The following SVEP1 variants were observed in gnomAD, a reference collection of about 807,000 sequenced individuals.
SVEP1 encodes sushi, von Willebrand factor type A, EGF and pentraxin domain containing 1.
Under a neutral mutation model 367.3 loss-of-function variants are expected in SVEP1, and 164 were observed. The observed-to-expected ratio is 0.45, with a 90% CI of 0.39 to 0.51. SVEP1 has a LOEUF of 0.51. Among genes scored for constraint, SVEP1 ranks in the 20% least tolerant of loss-of-function variants. The probability of loss-of-function intolerance (pLI) is 0.00; values close to 1 mark genes in which losing one functional copy is unlikely to be tolerated. For missense variants in SVEP1, 4,117 were observed against 4,425.3 expected, an observed-to-expected ratio of 0.93 and a Z score of 1.98; for synonymous variants, 1,666 against 1,611.6, an observed-to-expected ratio of 1.03 and a Z score of -0.81.
chr9:110,533,558 C>G (rs1397728798), intron 3 of SVEP1, among the ~76,000 whole-genome samples: 2 of 151,598 alleles, frequency 1.3e-5, no homozygotes, highest in Non-Finnish European at 2.9e-5. Context: ...TCAAACCAAT[C>G]TATTGTGGAT....
Position 110,411,566 on chromosome 9 carries a change from C to G in SVEP1, c.6145G>C (p.Asp2049His), listed in dbSNP as rs1564135592. Residue 2049 changes from aspartate to histidine, a missense_variant, in exon 37 of 48, where the codon GAT becomes CAT. Asp to His is a moderately conservative substitution (Grantham distance 81). Around this residue, in one of 4 missense-constraint regions of SVEP1, gnomAD observed 2,174 missense variants for 2,494.3 expected, o/e 0.87. Coordinates refer to ENST00000374469, the MANE Select transcript of SVEP1 (RefSeq NM_153366.4). ...FGDIAFYYCS[D>H]GYSLADNSQL... ...GAATTGTCTGCTAGGCTGTAACCAT[C>G]AGAGCAGTAGTAGAATGCAATGTCT... 6.2e-7 allele frequency: 1 copy of G among 1,613,990 alleles called. No homozygotes were observed. The highest frequency in any genetic ancestry group is 2.2e-5 in the East Asian group (1 of 44,880).
chr9:110,451,283 T>C lies in SVEP1; in HGVS notation c.3901+6A>G. ...AGACAACATAGGAAGACTGGAAACA[T>C]CTTACCTACAAATCCTTTCACACAT... On this transcript the variant is annotated splice_donor_region_variant and intron_variant, in intron 23 of 47. Transcript: ENST00000374469. 1 of 1,608,392 alleles carries C rather than the reference T, an allele frequency of 6.2e-7. No individual in the cohort carries two copies. The highest frequency in any genetic ancestry group is 8.5e-7 in the Non-Finnish European group (1 of 1,174,958).
intron 47 of SVEP1, among the ~76,000 whole-genome samples, chr9:110,368,405 C>A (rs980321052): frequency 2.0e-5 from 3 of 152,222 alleles, no homozygotes; most frequent in African/African-American, 7.2e-5. Context: ...TGAAGGTGAG[C>A]TACACCTCTC....
intron 40 of SVEP1, among the ~76,000 whole-genome samples, chr9:110,390,090 CACATACATACTTATATAAGTATATAT>C (rs201396723): frequency 0.033 from 3,237 of 98,726 alleles, 148 homozygotes; most frequent in African/African-American, 0.11. Context: ...TGTATATATA[CACATACATACTTATATAAGTATATAT>C]ACATACATAC....
At chr9:110,424,398 A>G (rs1828221915) in intron 36 of SVEP1, among the ~76,000 whole-genome samples, 1 of 152,240 alleles carries the variant, frequency 6.6e-6, no homozygotes, top group Non-Finnish European at 1.5e-5. Flanking sequence ...AAGGATGCTT[A>G]GAATATGAAG....
At chr9:110,414,903 A>G (rs1478262849) in intron 36 of SVEP1, among the ~76,000 whole-genome samples, 3 of 152,080 alleles carry the variant, frequency 2.0e-5, no homozygotes, top group Admixed American at 1.3e-4. Context: ...TTGCATTTAG[A>G]AGTTTATATC....
At chr9:110,578,765 A>G (rs888734093) in intron 1 of SVEP1, among the ~76,000 whole-genome samples, 3 of 152,178 alleles carry the variant, frequency 2.0e-5, no homozygotes, top group Non-Finnish European at 4.4e-5. Flanking sequence ...CCTTCCTAAC[A>G]GGGTCCTCGA....
chr9:110,498,338 C>T lies in SVEP1; in HGVS notation c.1681+703G>A, dbSNP rs73655389. Among the ~76,000 whole-genome samples, 760 of 152,010 alleles carry T rather than the reference C, an allele frequency of 5.0e-3. 4 individuals carry two copies. The highest frequency in any genetic ancestry group is 0.018 in the African/African-American group (730 of 41,474). ...TTGGTAGAGAAATTTTTCTCCATCT[C>T]CTCTCCTCTCTCCTTCTGGAACTCC... is the stretch of plus-strand genomic sequence containing the variant. On this transcript the variant is annotated intron_variant, in intron 7 of 47. Transcript: ENST00000374469.
intron 24 of SVEP1, among the ~76,000 whole-genome samples, chr9:110,448,094 G>A (rs1405160440): frequency 6.6e-6 from 1 of 152,212 alleles, no homozygotes; most frequent in Non-Finnish European, 1.5e-5. Flanking sequence ...TATTCAGACT[G>A]CAGGACGGTG....
At chr9:110,444,991 G>T (rs1184765798) in intron 26 of SVEP1, among the ~76,000 whole-genome samples, 1 of 152,166 alleles carries the variant, frequency 6.6e-6, no homozygotes, top group African/African-American at 2.4e-5. Context: ...AGAAAAAAAA[G>T]CTCAGTGGGT....
intron 39 of SVEP1, 96 bp downstream of exon 39, chr9:110,404,231 T>C: frequency 8.3e-7 from 1 of 1,206,040 alleles, no homozygotes; most frequent in Non-Finnish European, 1.2e-6. Context: ...AACTTCAGAC[T>C]TTTTTTTCTT....
At chr9:110,405,952 A>T (rs1402021116) in intron 38 of SVEP1, among the ~76,000 whole-genome samples, 1 of 152,214 alleles carries the variant, frequency 6.6e-6, no homozygotes, top group South Asian at 2.1e-4. Context: ...TATTAGAAAC[A>T]TGTCTGAAAA....
At chr9:110,505,819 C>CTT (rs565499379) in intron 5 of SVEP1, among the ~76,000 whole-genome samples, 59 of 147,138 alleles carry the variant, frequency 4.0e-4, no homozygotes, top group Admixed American at 8.8e-4. Context: ...TCTTTTCTCT[C>CTT]TTTTTTTTTT....
intron 36 of SVEP1, among the ~76,000 whole-genome samples, chr9:110,413,398 G>A (rs1828073063): frequency 8.0e-6 from 1 of 124,472 alleles, no homozygotes; most frequent in South Asian, 3.2e-4. Flanking sequence ...TTGTGGGGTG[G>A]GGGGAGGGGG....
intron 1 of SVEP1, among the ~76,000 whole-genome samples, chr9:110,564,117 G>A (rs1008233733): frequency 1.3e-5 from 2 of 152,106 alleles, no homozygotes; most frequent in African/African-American, 4.8e-5. Flanking sequence ...TACGAGCTAC[G>A]AAGAGAAGAA....
chr9:110,395,608 A>G (rs2118984223), intron 40 of SVEP1, among the ~76,000 whole-genome samples: 1 of 152,294 alleles, frequency 6.6e-6, no homozygotes, highest in Non-Finnish European at 1.5e-5. Context: ...CAGGAAACCC[A>G]TCTCACGTGC....
chr9:110,528,156 G>GTGTGTATGTATATATATATA, intron 3 of SVEP1, among the ~76,000 whole-genome samples: 1 of 33,940 alleles, frequency 2.9e-5, no homozygotes, highest in South Asian at 9.6e-4. Context: ...GTGTGTGTGT[G>GTGTGTATGTATATATATATA]TATATATATA....
rs1445191506 is a variant in SVEP1 at position 110,432,461 on chromosome 9, C to T, written c.5233+1G>A. On this transcript the variant is annotated splice_donor_variant, in intron 31 of 47. Coordinates refer to ENST00000374469, the MANE Select transcript of SVEP1 (RefSeq NM_153366.4). LOFTEE classifies it high-confidence loss of function. ...ATAGTAGTTGCCAACATTTATCTCACCAAGGCAGGATGGTGAAACGCCGTT... is the reference window on the plus strand; with the variant it reads ...ATAGTAGTTGCCAACATTTATCTCATCAAGGCAGGATGGTGAAACGCCGTT... 1 of 1,610,302 alleles carries T rather than the reference C, an allele frequency of 6.2e-7. No individual in the cohort carries two copies. Among genetic ancestry groups the T allele is most frequent in the Admixed American group, 1.7e-5 (1 of 59,304 alleles).
intron 18 of SVEP1, among the ~76,000 whole-genome samples, chr9:110,461,536 T>C (rs1166597757): frequency 6.6e-6 from 1 of 152,120 alleles, no homozygotes; most frequent in Non-Finnish European, 1.5e-5. Context: ...AATTTAGAGA[T>C]GGACTGAGGT....
Sources: allele counts gnomAD v4.1 joint callset (sites outside exome capture counted in the v4.1 genomes callset), GRCh38; gene constraint gnomAD v4.1.1; regional missense constraint gnomAD v4.1.1; transcripts MANE v1.5; gene names NCBI Gene and HGNC (gene_info 2026-07-23, HGNC 2026-07-21).